Variants in DPY19L2 observed in about 807,000 individuals in gnomAD.
DPY19L2 encodes the protein probable C-mannosyltransferase DPY19L2.
In DPY19L2, 34 loss-of-function variants were observed where a neutral mutation model predicts 97.9. The observed-to-expected ratio is 0.35, with a 90% confidence interval of 0.26 to 0.46. The LOEUF is 0.46. Ranked by LOEUF, DPY19L2 falls within the 20% of genes least tolerant of loss-of-function variation. DPY19L2 has a pLI of 1.00. For synonymous variants in DPY19L2, 230 were observed against 307.9 expected, an observed-to-expected ratio of 0.75 and a Z score of 2.65; for missense variants, 623 against 911.4, an observed-to-expected ratio of 0.68 and a Z score of 4.07.
At chr12:63,634,104 C>T (rs1383797563) in intron 6 of DPY19L2, among the ~76,000 whole-genome samples, 2 of 151,954 alleles carry the variant, frequency 1.3e-5, no homozygotes, top group African/African-American at 4.8e-5. Context: ...TGGAGATATA[C>T]CTAATGTTAA....
At chr12:63,633,851 G>A (rs540658591) in intron 6 of DPY19L2, among the ~76,000 whole-genome samples, 1 of 152,176 alleles carries the variant, frequency 6.6e-6, no homozygotes, top group South Asian at 2.1e-4. Flanking sequence ...AAGAAAATGT[G>A]GCACATATAC....
chr12:63,610,862 A>AC (rs1886854277), intron 11 of DPY19L2, among the ~76,000 whole-genome samples: 1 of 103,106 alleles, frequency 9.7e-6, no homozygotes, highest in South Asian at 3.7e-4. Context: ...AAAAAAAAAA[A>AC]AAAAAAAAAA....
At chr12:63,583,896 A>C in intron 16 of DPY19L2, 60 bp from the exon 17 acceptor site, 2 of 1,418,600 alleles carry the variant, frequency 1.4e-6, no homozygotes, top group East Asian at 2.3e-5. Context: ...TGAATACATA[A>C]AAATAAGCTT....
At chr12:63,641,933 G>A (rs1892758765) in intron 6 of DPY19L2, among the ~76,000 whole-genome samples, 1 of 152,104 alleles carries the variant, frequency 6.6e-6, no homozygotes, top group South Asian at 2.1e-4. Flanking sequence ...GTGGATGAAA[G>A]CTCCTTTATC....
intron 6 of DPY19L2, among the ~76,000 whole-genome samples, chr12:63,641,512 T>C (rs1447208371): frequency 6.6e-6 from 1 of 152,168 alleles, no homozygotes; most frequent in Non-Finnish European, 1.5e-5. Flanking sequence ...TATCAAACTA[T>C]GATTTACTTT....
chr12:63,604,596 T>C (rs1565752023), intron 12 of DPY19L2, among the ~76,000 whole-genome samples: 1 of 152,140 alleles, frequency 6.6e-6, no homozygotes, highest in Non-Finnish European at 1.5e-5. Flanking sequence ...AGAGCACCGA[T>C]TGCTTCCTCT....
At chr12:63,574,617 T>C (rs1338003777) in intron 19 of DPY19L2, among the ~76,000 whole-genome samples, 3 of 151,962 alleles carry the variant, frequency 2.0e-5, no homozygotes, top group African/African-American at 4.8e-5. Flanking sequence ...TGGAAAATTA[T>C]ATTCCATGCC....
intron 12 of DPY19L2, among the ~76,000 whole-genome samples, chr12:63,606,803 T>C (rs1387635196): frequency 6.6e-6 from 1 of 152,182 alleles, no homozygotes. Context: ...TCATGCTTCA[T>C]GATGCACACA....
At chr12:63,631,394 C>T (rs1429349288) in intron 6 of DPY19L2, among the ~76,000 whole-genome samples, 6 of 152,212 alleles carry the variant, frequency 3.9e-5, no homozygotes, top group South Asian at 4.2e-4. Flanking sequence ...CACCACCGAT[C>T]ACTCAGAAAT....
At position 63,668,394 on chromosome 12, in the gene DPY19L2, A is replaced by C; in HGVS notation, c.-1T>G. ...TTGAGCTTACTCCTTGTTTTCTCAT[A>C]ATCAAGGAGTATGGTGGAGCTGGGT... On this transcript the variant is annotated 5_prime_UTR_variant, in exon 1 of 22. In the 5' UTR this introduces an upstream ATG that the reference lacks. Coordinates refer to ENST00000324472, the MANE Select transcript of DPY19L2 (RefSeq NM_173812.5). 2 of 1,606,598 alleles carry C rather than the reference A, an allele frequency of 1.2e-6. No individual in the cohort carries two copies. The highest frequency in any genetic ancestry group is 1.7e-6 in the Non-Finnish European group (2 of 1,176,774).
At chr12:63,665,421 C>T (rs1407487933) in intron 2 of DPY19L2, among the ~76,000 whole-genome samples, 6 of 149,488 alleles carry the variant, frequency 4.0e-5, no homozygotes, top group African/African-American at 1.2e-4. Flanking sequence ...TGCAGTGAGT[C>T]AAGATCACGC....
At chr12:63,658,469 G>A (rs1433336095) in intron 4 of DPY19L2, among the ~76,000 whole-genome samples, 1 of 152,136 alleles carries the variant, frequency 6.6e-6, no homozygotes, top group Non-Finnish European at 1.5e-5. Context: ...ACTTCAACCT[G>A]GGCAATGAAG....
At chr12:63,628,575 G>A (rs1235789511) in intron 6 of DPY19L2, among the ~76,000 whole-genome samples, 11 of 152,256 alleles carry the variant, frequency 7.2e-5, no homozygotes, top group East Asian at 3.9e-4. Context: ...CAGGAAGCTC[G>A]AACAGGGTGG....
chr12:63,597,053 AT>A (rs1416488082), intron 14 of DPY19L2, among the ~76,000 whole-genome samples: 1 of 151,742 alleles, frequency 6.6e-6, no homozygotes, highest in African/African-American at 2.4e-5. Flanking sequence ...GCTCATTGCA[AT>A]CTCCACCTCC....
intron 16 of DPY19L2, among the ~76,000 whole-genome samples, chr12:63,584,934 T>G (rs1881525239): frequency 6.6e-6 from 1 of 152,200 alleles, no homozygotes; most frequent in Non-Finnish European, 1.5e-5. Flanking sequence ...CATCTAAAAC[T>G]GCAAAAGTTA....
chr12:63,652,314 A>G (rs1454456925), intron 4 of DPY19L2, among the ~76,000 whole-genome samples: 1 of 152,122 alleles, frequency 6.6e-6, no homozygotes, highest in Admixed American at 6.5e-5. Context: ...ATGCTTATAC[A>G]CTGCTGGTGG....
intron 13 of DPY19L2, 72 bp downstream of exon 13, chr12:63,600,234 T>A: frequency 1.6e-6 from 2 of 1,269,670 alleles, no homozygotes; most frequent in Admixed American, 3.4e-5. Flanking sequence ...GAGATAAGAA[T>A]AGATGGTTTC....
At position 63,668,442 on chromosome 12, in the gene DPY19L2, G is replaced by T; in HGVS notation, c.-49C>A. On this transcript the variant is annotated 5_prime_UTR_variant, in exon 1 of 22. Transcript: ENST00000324472. ...GGTCAATTTCAGGCACAGCCCAGCCGAGTCAGGCGAGGTCCAGAGAGACCT... is the reference window on the plus strand; with the variant it reads ...GGTCAATTTCAGGCACAGCCCAGCCTAGTCAGGCGAGGTCCAGAGAGACCT... 1 of 1,505,386 alleles carries T rather than the reference G, an allele frequency of 6.6e-7. No homozygotes were observed. Among genetic ancestry groups the T allele is most frequent in the South Asian group, 1.3e-5 (1 of 76,084 alleles). The allele number at this position is 1,505,386 out of a possible 1,614,324, so 93.3% of individuals were successfully genotyped here.
intron 9 of DPY19L2, among the ~76,000 whole-genome samples, chr12:63,619,362 C>G (rs1888320040): frequency 6.6e-6 from 1 of 152,112 alleles, no homozygotes; most frequent in South Asian, 2.1e-4. Flanking sequence ...AGAATAAAAT[C>G]TTAAAGTACT....
Sources: gnomAD v4.1 joint callset for allele counts (sites outside exome capture counted in the v4.1 genomes callset) on GRCh38, gnomAD v4.1.1 for gene constraint, MANE v1.5 for transcripts, NCBI Gene and HGNC (gene_info 2026-07-23, HGNC 2026-07-21) for gene names.